Variants in PRDM5 observed in about 807,000 individuals in gnomAD.
PRDM5 encodes the protein PR/SET domain 5.
PRDM5 carries 56 observed loss-of-function variants against 81.2 expected under a neutral mutation model. That is an observed-to-expected ratio of 0.69 (90% CI 0.56 to 0.86). The LOEUF is 0.86. PRDM5 is among the 40% of genes least tolerant of loss of function. The pLI is 0.00. For synonymous variants in PRDM5, 267 were observed against 256.4 expected (o/e 1.04, Z -0.39); for missense variants, 697 against 770.1 (o/e 0.91, Z 1.12).
At chr4:120,767,741 T>C (rs754402558) in intron 13 of PRDM5, among the ~76,000 whole-genome samples, 26 of 152,188 alleles carry the variant, frequency 1.7e-4, no homozygotes, top group Non-Finnish European at 2.4e-4. Flanking sequence ...TCTGGCTGTG[T>C]CCCCACCCAA....
intron 14 of PRDM5, among the ~76,000 whole-genome samples, chr4:120,754,005 G>T (rs570269639): frequency 1.3e-5 from 2 of 152,202 alleles, no homozygotes; most frequent in Non-Finnish European, 2.9e-5. Flanking sequence ...CAATAGTCCA[G>T]TGAGAGTGTT....
chr4:120,685,089 T>C lies in PRDM5; in HGVS notation n.104-64A>G, dbSNP rs938001952. 3 of 152,106 alleles carry C rather than the reference T, an allele frequency of 2.0e-5. No homozygotes were observed. In the South Asian group the frequency reaches 6.2e-4, roughly 31 times the overall value. 9.4% of individuals were successfully genotyped at this position (152,106 alleles called of 1,614,324 possible). ...ACTTGAATTAATTTGTGGTTTTTGA[T>C]GTAATTACATTATTTTAATAGCCAG... On this transcript the variant is annotated intron_variant and non_coding_transcript_variant, in intron 1 of 1. Coordinates refer to the PRDM5 transcript ENST00000513741.
chr4:120,852,371 T>C (rs1759365196), intron 3 of PRDM5, among the ~76,000 whole-genome samples: 1 of 152,138 alleles, frequency 6.6e-6, no homozygotes, highest in African/African-American at 2.4e-5. Flanking sequence ...TCAGGAGACT[T>C]GAATAAAGTA....
chr4:120,847,132 G>A (rs1051397057), intron 3 of PRDM5, among the ~76,000 whole-genome samples: 1 of 152,142 alleles, frequency 6.6e-6, no homozygotes, highest in Middle Eastern at 3.4e-3. Flanking sequence ...GATCACTGCT[G>A]TAGCTTGAAG....
intron 8 of PRDM5, chr4:120,810,719 A>G (rs1753719793): frequency 6.6e-6 from 1 of 152,224 alleles, no homozygotes; most frequent in African/African-American, 2.4e-5. Context: ...TGTTACATGG[A>G]AGGTTAGTGA....
intron 1 of PRDM5, among the ~76,000 whole-genome samples, chr4:120,921,627 T>C (rs1724929073): frequency 6.6e-6 from 1 of 152,168 alleles, no homozygotes; most frequent in African/African-American, 2.4e-5. Context: ...AACCTCCATC[T>C]TACAAAATAT....
chr4:120,718,694 A>G (rs1277148501), intron 14 of PRDM5, among the ~76,000 whole-genome samples: 1 of 152,158 alleles, frequency 6.6e-6, no homozygotes, highest in African/African-American at 2.4e-5. Context: ...AAAAAAATCC[A>G]TGAGGCACAG....
chr4:120,867,486 T>C lies in PRDM5; in HGVS notation c.178-13946A>G, dbSNP rs183794025. Among the ~76,000 whole-genome samples, 22 of 152,284 alleles carry C rather than the reference T, an allele frequency of 1.4e-4. No individual in the cohort carries two copies. The East Asian group carries it at 4.0e-3, about 28-fold the overall frequency. On this transcript the variant is annotated intron_variant, in intron 2 of 15. Transcript: ENST00000264808. ...AATGGTCTGAGTACACTTTCACCAG[T>C]GTATATAGAGACATCAAACTTGTAT... is the stretch of plus-strand genomic sequence containing the variant.
chr4:120,907,601 T>C (rs369550029), intron 1 of PRDM5, 44 bp from the exon 2 acceptor site: 24 of 1,471,224 alleles, frequency 1.6e-5, no homozygotes, highest in Admixed American at 1.2e-4. Flanking sequence ...GTACAATAAA[T>C]CAACATACTA....
chr4:120,852,706 T>C (rs897849413), intron 3 of PRDM5, among the ~76,000 whole-genome samples: 1 of 151,408 alleles, frequency 6.6e-6, no homozygotes, highest in African/African-American at 2.4e-5. Flanking sequence ...TACACACATA[T>C]ATACACACAT....
At chr4:120,874,416 G>T (rs1762141510) in intron 2 of PRDM5, among the ~76,000 whole-genome samples, 1 of 152,140 alleles carries the variant, frequency 6.6e-6, no homozygotes, top group Non-Finnish European at 1.5e-5. Flanking sequence ...ATAAAATAGA[G>T]ATTTAAGTCA....
At chr4:120,733,005 C>T (rs1740490506) in intron 14 of PRDM5, among the ~76,000 whole-genome samples, 3 of 152,176 alleles carry the variant, frequency 2.0e-5, no homozygotes, top group South Asian at 2.1e-4. Context: ...CAAATACCTA[C>T]AGCCTTAGCA....
At chr4:120,714,131 A>G (rs1737409475) in intron 14 of PRDM5, among the ~76,000 whole-genome samples, 1 of 152,194 alleles carries the variant, frequency 6.6e-6, no homozygotes, top group African/African-American at 2.4e-5. Context: ...ATTTTATATA[A>G]TCAACGTGAT....
At chr4:120,890,450 T>A (rs2148621379) in intron 2 of PRDM5, among the ~76,000 whole-genome samples, 1 of 152,306 alleles carries the variant, frequency 6.6e-6, no homozygotes, top group Admixed American at 6.5e-5. Flanking sequence ...GGAACGTATA[T>A]CTAAACCATA....
intron 14 of PRDM5, among the ~76,000 whole-genome samples, chr4:120,711,714 T>G (rs568502679): frequency 6.6e-6 from 1 of 152,246 alleles, no homozygotes; most frequent in East Asian, 1.9e-4. Flanking sequence ...TAAAGAAAAC[T>G]TAAGGCAAAG....
At chr4:120,714,384 T>C (rs1246372014) in intron 14 of PRDM5, among the ~76,000 whole-genome samples, 2 of 152,174 alleles carry the variant, frequency 1.3e-5, no homozygotes. Context: ...TTAAAGTCAA[T>C]TGATTTTAAA....
intron 2 of PRDM5, among the ~76,000 whole-genome samples, chr4:120,899,585 AC>A (rs1317505733): frequency 6.6e-6 from 1 of 152,128 alleles, no homozygotes; most frequent in Non-Finnish European, 1.5e-5. Context: ...TATTCTCACA[AC>A]ACAGTCAACT....
chr4:120,779,932 A>T lies in PRDM5; in HGVS notation c.1443+1211T>A, dbSNP rs537069679. Among the ~76,000 whole-genome samples, 588 of 150,944 alleles carry T rather than the reference A, an allele frequency of 3.9e-3. 3 individuals carry two copies. Among genetic ancestry groups the T allele is most frequent in the African/African-American group, 0.014 (569 of 41,352 alleles). On this transcript the variant is annotated intron_variant, in intron 12 of 15. Coordinates refer to ENST00000264808, the MANE Select transcript of PRDM5 (RefSeq NM_018699.4). ...CTCAAACAAACAAACAAACAAACAA[A>T]CAATATATATATATAATATCTCCTG...
chr4:120,779,574 T>C (rs988506956), intron 12 of PRDM5, among the ~76,000 whole-genome samples: 17 of 152,174 alleles, frequency 1.1e-4, no homozygotes, highest in African/African-American at 4.1e-4. Context: ...ATGCCCTAGA[T>C]GTGATTATTA....
Sources: allele counts gnomAD v4.1 joint callset (sites outside exome capture counted in the v4.1 genomes callset), GRCh38; gene constraint gnomAD v4.1.1; transcripts MANE v1.5; gene names NCBI Gene and HGNC (gene_info 2026-07-23, HGNC 2026-07-21).